Variants in GRIK1 observed in about 807,000 individuals in gnomAD.
GRIK1 encodes the protein glutamate ionotropic receptor kainate type subunit 1, also known as glutamate receptor ionotropic, kainate 1.
A neutral mutation model predicts 105.7 loss-of-function variants in GRIK1; 69 were observed. That is an observed-to-expected ratio of 0.65 (90% CI 0.54 to 0.80). The LOEUF (loss-of-function observed/expected upper bound fraction) is 0.80. Among genes scored for constraint, GRIK1 ranks in the 30% least tolerant of loss-of-function variants. GRIK1 has a pLI of 0.00. For synonymous variants in GRIK1, 438 were observed against 431.3 expected (o/e 1.02, Z -0.19); for missense variants, 1,109 against 1,167.3 (o/e 0.95, Z 0.73).
At chr21:29,781,917 G>A (rs979965484) in intron 1 of GRIK1, among the ~76,000 whole-genome samples, 3 of 148,356 alleles carry the variant, frequency 2.0e-5, no homozygotes, top group South Asian at 2.2e-4. Flanking sequence ...TGATCCACCC[G>A]CCTCGGCCTC....
intron 3 of GRIK1, among the ~76,000 whole-genome samples, chr21:29,674,571 G>A (rs867059503): frequency 2.0e-5 from 3 of 152,048 alleles, no homozygotes; most frequent in East Asian, 1.9e-4. Context: ...GATCATGAGG[G>A]CGGATATCCC....
chr21:29,704,570 G>A (rs547424846), intron 1 of GRIK1, among the ~76,000 whole-genome samples: 1 of 152,208 alleles, frequency 6.6e-6, no homozygotes, highest in African/African-American at 2.4e-5. Flanking sequence ...CCCAGTAAAT[G>A]GTCCTTCAGT....
chr21:29,885,397 A>G (rs772292986), intron 1 of GRIK1, among the ~76,000 whole-genome samples: 1 of 152,114 alleles, frequency 6.6e-6, no homozygotes, highest in Non-Finnish European at 1.5e-5. Context: ...GATGGATGGA[A>G]TTATTTTTTC....
chr21:29,555,688 C>T (rs1034092701), intron 15 of GRIK1, among the ~76,000 whole-genome samples: 1 of 152,018 alleles, frequency 6.6e-6, no homozygotes, highest in Non-Finnish European at 1.5e-5. Flanking sequence ...CTTTTGTAAC[C>T]AAAGGGACCC....
At chr21:29,863,508 T>C (rs566984980) in intron 1 of GRIK1, among the ~76,000 whole-genome samples, 1 of 152,330 alleles carries the variant, frequency 6.6e-6, no homozygotes, top group Non-Finnish European at 1.5e-5. Context: ...CTATTAATAT[T>C]TCATTTGGCA....
intron 1 of GRIK1, among the ~76,000 whole-genome samples, chr21:29,928,441 A>T (rs769515284): frequency 2.0e-5 from 3 of 152,212 alleles, no homozygotes; most frequent in Non-Finnish European, 4.4e-5. Context: ...TTAGATCTGG[A>T]GAAAACCTGT....
At chr21:29,628,283 C>A (rs1465878314) in intron 7 of GRIK1, among the ~76,000 whole-genome samples, 1 of 152,154 alleles carries the variant, frequency 6.6e-6, no homozygotes, top group Non-Finnish European at 1.5e-5. Flanking sequence ...GACCACACAA[C>A]TTCCTAGGAT....
chr21:29,844,342 G>A (rs1402510786), intron 1 of GRIK1, among the ~76,000 whole-genome samples: 2 of 152,100 alleles, frequency 1.3e-5, no homozygotes, highest in Non-Finnish European at 2.9e-5. Context: ...TAACACCTGA[G>A]GGTCAAAATT....
At chr21:29,805,112 A>C (rs2066828835) in intron 1 of GRIK1, among the ~76,000 whole-genome samples, 1 of 151,970 alleles carries the variant, frequency 6.6e-6, no homozygotes, top group Non-Finnish European at 1.5e-5. Flanking sequence ...AGCTAAGCCC[A>C]CTCTGAGTAT....
At chr21:29,859,305 T>G (rs1197680817) in intron 1 of GRIK1, among the ~76,000 whole-genome samples, 1 of 151,866 alleles carries the variant, frequency 6.6e-6, no homozygotes, top group African/African-American at 2.4e-5. Context: ...GGCACATGTA[T>G]ATATATGTAA....
chr21:29,627,783 A>G (rs1267520615), intron 7 of GRIK1, among the ~76,000 whole-genome samples: 4 of 152,222 alleles, frequency 2.6e-5, no homozygotes, highest in Non-Finnish European at 5.9e-5. Context: ...AATTAAGGTA[A>G]TCATTCATTT....
chr21:29,860,261 GC>G (rs2068594898), intron 1 of GRIK1, among the ~76,000 whole-genome samples: 1 of 152,198 alleles, frequency 6.6e-6, no homozygotes, highest in African/African-American at 2.4e-5. Context: ...CCTAGCTGCA[GC>G]TTGTGAGCCC....
intron 15 of GRIK1, among the ~76,000 whole-genome samples, chr21:29,561,051 C>T (rs532310813): frequency 1.3e-5 from 2 of 152,272 alleles, no homozygotes; most frequent in South Asian, 4.2e-4. Flanking sequence ...CAATAATATT[C>T]CTAGGAGAGC....
intron 1 of GRIK1, among the ~76,000 whole-genome samples, chr21:29,799,605 G>A (rs1267415850): frequency 1.3e-5 from 2 of 152,270 alleles, no homozygotes; most frequent in African/African-American, 4.8e-5. Context: ...TCTTGCCTCA[G>A]TGCAACCTCT....
rs201643539 is a variant in GRIK1, at chr21:29,900,915, G to T, written c.118+38468C>A. ...AAAGCACTCCTCAGCAAATGTAAAA[G>T]AACAGAAATCACAACAAACTGTCTC... is the stretch of plus-strand genomic sequence containing the variant. On this transcript the variant is annotated intron_variant, in intron 1 of 17. Transcript: ENST00000327783. 5.3e-5 allele frequency among the ~76,000 whole-genome samples: 8 copies of T among 152,220 alleles called. No individual in the cohort carries two copies. The East Asian group carries it at 1.5e-3, about 29-fold the overall frequency.
intron 7 of GRIK1, 50 bp downstream of exon 7, chr21:29,642,776 G>T (rs1376144331): frequency 2.5e-6 from 4 of 1,576,086 alleles, no homozygotes; most frequent in Non-Finnish European, 3.5e-6. Flanking sequence ...AAATGGGCAA[G>T]CCCAACAGTG....
At chr21:29,691,498 A>G (rs2063584007) in intron 2 of GRIK1, among the ~76,000 whole-genome samples, 1 of 152,232 alleles carries the variant, frequency 6.6e-6, no homozygotes, top group African/African-American at 2.4e-5. Context: ...GTTTGAAGTC[A>G]CTTGAAACAT....
chr21:29,904,350 G>T (rs1390964824), intron 1 of GRIK1, among the ~76,000 whole-genome samples: 1 of 150,428 alleles, frequency 6.6e-6, no homozygotes, highest in African/African-American at 2.4e-5. Context: ...ACCTAAATTT[G>T]TTTTTTTTTA....
chr21:29,636,232 T>A (rs1267656940), intron 7 of GRIK1, among the ~76,000 whole-genome samples: 1 of 152,198 alleles, frequency 6.6e-6, no homozygotes, highest in African/African-American at 2.4e-5. Flanking sequence ...TTAAATCAAC[T>A]TGGACTTTTG....
Sources: allele counts gnomAD v4.1 joint callset (sites outside exome capture counted in the v4.1 genomes callset), GRCh38; gene constraint gnomAD v4.1.1; transcripts MANE v1.5; gene names NCBI Gene and HGNC (gene_info 2026-07-23, HGNC 2026-07-21).